Variants in GP6 observed in about 807,000 individuals in gnomAD.
GP6 encodes the protein glycoprotein VI platelet, also known as platelet glycoprotein VI.
GP6 carries 45 observed loss-of-function variants against 37.3 expected under a neutral mutation model. That is an observed-to-expected ratio of 1.21 (90% CI 0.95 to 1.55). The LOEUF (loss-of-function observed/expected upper bound fraction) is 1.55, where lower values mean the gene tolerates loss of function less well. GP6 is among the 40% of genes most tolerant of loss of function. GP6 has a pLI of 0.00. For synonymous variants in GP6, 340 were observed against 316.4 expected (o/e 1.07, Z -0.79); for missense variants, 813 against 760.2 (o/e 1.07, Z -0.82).
At chr19:55,032,587 A>T (rs2074608890) in intron 1 of GP6, 49 bp from the exon 2 acceptor site, 8 of 1,601,572 alleles carry the variant, frequency 5.0e-6, no homozygotes, top group Non-Finnish European at 6.0e-6. Flanking sequence ...TTTTATGGAC[A>T]TTCCTGCCTG....
At chr19:55,015,210 C>G in intron 7 of GP6, 45 bp from the exon 8 acceptor site, 1 of 1,549,910 alleles carries the variant, frequency 6.5e-7, no homozygotes, top group African/African-American at 1.4e-5. Flanking sequence ...GAGCCCACCT[C>G]CAGGACCCCC....
intron 1 of GP6, among the ~76,000 whole-genome samples, chr19:55,034,708 C>T (rs1277171291): frequency 1.9e-5 from 2 of 107,680 alleles, no homozygotes; most frequent in African/African-American, 3.8e-5. Context: ...TCTGGTAACC[C>T]TCATTCTTAC....
intron 3 of GP6, among the ~76,000 whole-genome samples, 159 bp downstream of exon 3, chr19:55,031,980 C>G (rs1054504706): frequency 1.3e-5 from 2 of 152,116 alleles, no homozygotes; most frequent in African/African-American, 4.8e-5. Flanking sequence ...GTCCAAAAAA[C>G]AAAATATTAT....
At chr19:55,036,718 A>T (rs8109834) in intron 1 of GP6, among the ~76,000 whole-genome samples, 31,040 of 151,802 alleles carry the variant, frequency 0.2, 3,603 homozygotes, top group East Asian at 0.56. Context: ...TTAAATAAAT[A>T]AAAGTTAAAA....
At chr19:55,015,801 C>G in intron 6 of GP6, 68 bp from the exon 7 acceptor site, 1 of 830,744 alleles carries the variant, frequency 1.2e-6, no homozygotes, top group Non-Finnish European at 2.1e-6. Context: ...TGTGCCTACT[C>G]CGAACACACA....
At chr19:55,034,898 T>C (rs529410916) in intron 1 of GP6, among the ~76,000 whole-genome samples, 1 of 152,150 alleles carries the variant, frequency 6.6e-6, no homozygotes, top group African/African-American at 2.4e-5. Context: ...AGCGCCCCCA[T>C]AGCCACCACC....
intron 5 of GP6, among the ~76,000 whole-genome samples, chr19:55,024,309 T>TGCACGCACACGCGCATGCACGCACAC (rs1357661954): frequency 7.7e-6 from 1 of 129,950 alleles, no homozygotes; most frequent in Admixed American, 7.7e-5. Flanking sequence ...TGCACACACA[T>TGCACGCACACGCGCATGCACGCACAC]ATGCACGCAC....
intron 5 of GP6, among the ~76,000 whole-genome samples, chr19:55,021,892 T>C (rs1013787757): frequency 3.3e-5 from 5 of 152,208 alleles, no homozygotes; most frequent in African/African-American, 1.2e-4. Context: ...GATTTGCATT[T>C]CTCTAATGAT....
At chr19:55,019,442 C>T (rs547532604) in intron 5 of GP6, among the ~76,000 whole-genome samples, 3 of 152,288 alleles carry the variant, frequency 2.0e-5, no homozygotes, top group South Asian at 4.1e-4. Context: ...TATATTCCCA[C>T]CAGCAATATA....
At chr19:55,033,418 C>CGTGTT (rs1450263150) in intron 1 of GP6, among the ~76,000 whole-genome samples, 1,080 of 82,924 alleles carry the variant, frequency 0.013, 1 homozygote, top group Admixed American at 0.023. Flanking sequence ...TGGGCTCGTT[C>CGTGTT]GTGTTAGACG....
Position 55,014,400 on chromosome 19 carries a change from C to A in GP6, c.1545G>T (p.Leu515Phe). The A allele has an allele frequency of 6.2e-7, 1 of 1,613,732 alleles. No individual in the cohort carries two copies. Among genetic ancestry groups the A allele is most frequent in the Non-Finnish European group, 8.5e-7 (1 of 1,179,640 alleles). Residue 515 changes from leucine to phenylalanine, a missense_variant, in exon 8 of 8, where the codon TTG becomes TTT. Coordinates refer to ENST00000310373, the MANE Select transcript of GP6 (RefSeq NM_001083899.2). ...CACTAAGGAAAATGAATGACATACC[C>A]AAACTGCCTGCAAGACCCGTTCTGA...
chr19:55,037,780 C>T (rs915112874), intron 1 of GP6, among the ~76,000 whole-genome samples: 3 of 151,526 alleles, frequency 2.0e-5, no homozygotes, highest in African/African-American at 4.9e-5. Context: ...TACAAGCACC[C>T]GCCATCACGC....
Position 55,027,663 on chromosome 19 carries a change from G to A in GP6, c.525C>T (p.Ser175=), listed in dbSNP as rs367907292. ...AGAAGCTGTAGCATCGGTAGGTTCC[G>A]CTGTGGGCGGCGGTCACCGTGATGA... Residue 175 remains serine (S), a synonymous_variant, in exon 4 of 8, where the codon AGC becomes AGT. Coordinates refer to ENST00000310373, the MANE Select transcript of GP6 (RefSeq NM_001083899.2). 1.9e-6 allele frequency: 3 copies of A among 1,612,004 alleles called. No individual in the cohort carries two copies. Among genetic ancestry groups the A allele is most frequent in the East Asian group, 4.5e-5 (2 of 44,872 alleles).
intron 4 of GP6, 61 bp from the exon 5 acceptor site, chr19:55,025,332 C>T (rs1050745862): frequency 3.9e-5 from 40 of 1,016,316 alleles, no homozygotes; most frequent in African/African-American, 1.1e-4. Flanking sequence ...GAACAAATAA[C>T]GAAACATCTC....
rs953312063 is a variant in GP6 at position 55,023,732 on chromosome 19, T to C, written c.664+1486A>G. On this transcript the variant is annotated intron_variant, in intron 5 of 7. Transcript: ENST00000310373. ...ATAGCAGCACAAAATCGGCCTAATATAGCATGAAATATTGCTCAGCAATCA... is the reference window on the plus strand; with the variant it reads ...ATAGCAGCACAAAATCGGCCTAATACAGCATGAAATATTGCTCAGCAATCA... Among the ~76,000 whole-genome samples, 27 of 152,136 alleles carry C rather than the reference T, an allele frequency of 1.8e-4. 1 individual carries two copies. Among genetic ancestry groups the C allele is most frequent in the Admixed American group, 1.7e-3 (26 of 15,248 alleles).
chr19:55,016,302 G>A (rs1282505684), intron 6 of GP6, among the ~76,000 whole-genome samples: 1 of 151,336 alleles, frequency 6.6e-6, no homozygotes, highest in Non-Finnish European at 1.5e-5. Context: ...AGGTTGATGT[G>A]AAAGTCAAGA....
chr19:55,027,508 C>T (rs925037062), intron 4 of GP6, 70 bp downstream of exon 4: 10 of 1,295,770 alleles, frequency 7.7e-6, no homozygotes, highest in African/African-American at 7.3e-5. Context: ...CACTTATGGC[C>T]CCTCCCTTGG....
intron 5 of GP6, among the ~76,000 whole-genome samples, chr19:55,022,439 A>G (rs1455297403): frequency 6.6e-6 from 1 of 152,170 alleles, no homozygotes; most frequent in African/African-American, 2.4e-5. Flanking sequence ...TTTCCCTTGA[A>G]AACCAGCACA....
intron 5 of GP6, among the ~76,000 whole-genome samples, chr19:55,019,830 AC>A (rs1209681845): frequency 3.3e-5 from 5 of 151,904 alleles, no homozygotes; most frequent in Non-Finnish European, 7.4e-5. Flanking sequence ...GGCACCCGCC[AC>A]CACGCCTGGC....
Sources: allele counts gnomAD v4.1 joint callset (sites outside exome capture counted in the v4.1 genomes callset), GRCh38; gene constraint gnomAD v4.1.1; transcripts MANE v1.5; gene names NCBI Gene and HGNC (gene_info 2026-07-23, HGNC 2026-07-21).